UST: variants seen among roughly 807,000 people sequenced by gnomAD.
UST encodes uronyl 2-sulfotransferase.
In UST, 21 loss-of-function variants were observed where a neutral mutation model predicts 45.6. The ratio of observed to expected loss-of-function variants is 0.46; its 90% confidence interval spans 0.33 to 0.66. The LOEUF (loss-of-function observed/expected upper bound fraction) is 0.66, where lower values mean the gene tolerates loss of function less well. Among genes scored for constraint, UST ranks in the 30% least tolerant of loss-of-function variants. The pLI is 0.02. For missense variants in UST, 463 were observed against 512.4 expected, an observed-to-expected ratio of 0.90 and a Z score of 0.93; for synonymous variants, 215 against 200.6, an observed-to-expected ratio of 1.07 and a Z score of -0.61.
intron 1 of UST, among the ~76,000 whole-genome samples, chr6:148,877,605 TGGGTCGTGTATGAGTGTGAG>T (rs1778704021): frequency 1.5e-5 from 1 of 67,412 alleles, no homozygotes; most frequent in African/African-American, 7.2e-5. Context: ...CGTGTATGAG[TGGGTCGTGTATGAGTGTGAG>T]GGGTCGTGTA....
chr6:149,007,110 G>A (rs1196117697), intron 5 of UST, among the ~76,000 whole-genome samples: 1 of 135,172 alleles, frequency 7.4e-6, no homozygotes, highest in Non-Finnish European at 1.5e-5. Context: ...GTCATTCCAG[G>A]CAAGCTTTTT....
chr6:148,906,694 C>CTG (rs10626347), intron 2 of UST, among the ~76,000 whole-genome samples: 141,290 of 152,196 alleles, frequency 0.93, 65,799 homozygotes, highest in Non-Finnish European at 0.96. Flanking sequence ...CTCTTACTAA[C>CTG]TGTGATTTGG....
At chr6:149,016,252 G>T (rs1013688754) in intron 5 of UST, among the ~76,000 whole-genome samples, 1 of 152,202 alleles carries the variant, frequency 6.6e-6, no homozygotes, top group Admixed American at 6.5e-5. Context: ...AGGAATTTAT[G>T]TCTTCCTATA....
At chr6:148,944,318 C>T (rs2114926617) in intron 3 of UST, among the ~76,000 whole-genome samples, 1 of 152,100 alleles carries the variant, frequency 6.6e-6, no homozygotes, top group East Asian at 1.9e-4. Flanking sequence ...ACTTTATCCA[C>T]CGTGTAGAGA....
chr6:148,893,334 G>A (rs1339004082), intron 2 of UST, among the ~76,000 whole-genome samples: 1 of 152,190 alleles, frequency 6.6e-6, no homozygotes, highest in African/African-American at 2.4e-5. Flanking sequence ...TGCAGTGTCT[G>A]GCAGTGAACC....
At chr6:148,899,639 A>G (rs976376866) in intron 2 of UST, among the ~76,000 whole-genome samples, 1 of 152,224 alleles carries the variant, frequency 6.6e-6, no homozygotes, top group Non-Finnish European at 1.5e-5. Context: ...CAAATATTTC[A>G]TCAGTCCTTG....
At chr6:149,000,517 A>G (rs1781527214) in intron 5 of UST, among the ~76,000 whole-genome samples, 1 of 152,200 alleles carries the variant, frequency 6.6e-6, no homozygotes, top group Non-Finnish European at 1.5e-5. Context: ...CAGATTATGA[A>G]TCTCCTACCC....
intron 2 of UST, among the ~76,000 whole-genome samples, chr6:148,918,295 T>C (rs1366316011): frequency 3.3e-5 from 5 of 152,218 alleles, no homozygotes; most frequent in Non-Finnish European, 7.4e-5. Flanking sequence ...AAAGACTTGT[T>C]TGAGAGTGTA....
intron 5 of UST, among the ~76,000 whole-genome samples, chr6:148,999,744 T>C (rs1781513108): frequency 7.2e-6 from 1 of 139,658 alleles, no homozygotes; most frequent in Non-Finnish European, 1.7e-5. Flanking sequence ...CCTCTAACTT[T>C]GCAAGTTTCA....
At chr6:148,804,829 A>AAT (rs1416174294) in intron 1 of UST, among the ~76,000 whole-genome samples, 1 of 144,230 alleles carries the variant, frequency 6.9e-6, no homozygotes, top group Admixed American at 6.9e-5. Context: ...TATATATATA[A>AAT]ATATATATAT....
At chr6:149,051,207 T>C (rs1354556089) in intron 7 of UST, among the ~76,000 whole-genome samples, 1 of 152,182 alleles carries the variant, frequency 6.6e-6, no homozygotes, top group Non-Finnish European at 1.5e-5. Flanking sequence ...AAGAAAAGTC[T>C]CATTTAATAG....
intron 1 of UST, among the ~76,000 whole-genome samples, chr6:148,845,428 C>T (rs537728199): frequency 4.9e-4 from 75 of 152,262 alleles, no homozygotes; most frequent in African/African-American, 1.7e-3. Context: ...ATATCCACTA[C>T]ATCAGTGGTT....
intron 1 of UST, among the ~76,000 whole-genome samples, chr6:148,751,070 T>G (rs752622240): frequency 7.2e-5 from 11 of 152,132 alleles, no homozygotes; most frequent in Non-Finnish European, 1.5e-4. Flanking sequence ...CTCTAGGTGA[T>G]TCCAACGCAG....
intron 1 of UST, among the ~76,000 whole-genome samples, chr6:148,839,966 C>T (rs1777858929): frequency 6.6e-6 from 1 of 152,148 alleles, no homozygotes; most frequent in East Asian, 1.9e-4. Context: ...TACCACACTA[C>T]CTCCCTACTT....
At chr6:148,759,252 C>T (rs547867886) in intron 1 of UST, among the ~76,000 whole-genome samples, 76 of 152,260 alleles carry the variant, frequency 5.0e-4, no homozygotes, top group African/African-American at 1.8e-3. Context: ...TTAAAAAAGT[C>T]CCTGAGCTCA....
At chr6:149,019,348 G>C in intron 6 of UST, 112 bp downstream of exon 6, 1 of 761,820 alleles carries the variant, frequency 1.3e-6, no homozygotes. Context: ...CAACCTTCTG[G>C]AATTCAGTTC....
intron 2 of UST, among the ~76,000 whole-genome samples, chr6:148,928,536 C>T (rs958994500): frequency 6.6e-6 from 1 of 152,130 alleles, no homozygotes; most frequent in Non-Finnish European, 1.5e-5. Context: ...AAATGGGTTC[C>T]CCCATCCATC....
chr6:148,854,759 T>C (rs73003160), intron 1 of UST, among the ~76,000 whole-genome samples: 2,305 of 152,170 alleles, frequency 0.015, 36 homozygotes, highest in Admixed American at 0.027. Flanking sequence ...TACACAAAAC[T>C]TGGGTCAAGA....
intron 5 of UST, among the ~76,000 whole-genome samples, chr6:148,997,863 T>C (rs2114999836): frequency 6.6e-6 from 1 of 152,348 alleles, no homozygotes; most frequent in Admixed American, 6.5e-5. Context: ...CATCTCTTTA[T>C]TGAACTTATT....
Sources: gnomAD v4.1 joint callset for allele counts (sites outside exome capture counted in the v4.1 genomes callset) on GRCh38, gnomAD v4.1.1 for gene constraint, MANE v1.5 for transcripts, NCBI Gene and HGNC (gene_info 2026-07-23, HGNC 2026-07-21) for gene names.